Variants in RASAL2 observed in about 807,000 individuals in gnomAD.
RASAL2 encodes RAS protein activator like 2.
RASAL2 carries 58 observed loss-of-function variants against 128.9 expected under a neutral mutation model. That is an observed-to-expected ratio of 0.45 (90% CI 0.36 to 0.56). The LOEUF is 0.56. Ranked by LOEUF, RASAL2 falls within the 20% of genes least tolerant of loss-of-function variation. The pLI, the probability that RASAL2 is intolerant of heterozygous loss-of-function variation, is 0.00. For missense variants in RASAL2, 1,360 were observed against 1,601.6 expected (o/e 0.85, Z 2.57); for synonymous variants, 561 against 580.8 (o/e 0.97, Z 0.49).
chr1:178,139,920 T>C (rs1167092451), intron 1 of RASAL2, among the ~76,000 whole-genome samples: 2 of 152,170 alleles, frequency 1.3e-5, no homozygotes, highest in Non-Finnish European at 1.5e-5. Flanking sequence ...GTATTTACTT[T>C]GCTATACATA....
chr1:178,351,920 C>CAT (rs1216060774), intron 3 of RASAL2, among the ~76,000 whole-genome samples: 1 of 152,156 alleles, frequency 6.6e-6, no homozygotes, highest in Admixed American at 6.5e-5. Flanking sequence ...TTTACATAAA[C>CAT]ATACTCTTTG....
intron 1 of RASAL2, among the ~76,000 whole-genome samples, chr1:178,186,153 T>A (rs1260428773): frequency 6.6e-6 from 1 of 152,128 alleles, no homozygotes; most frequent in East Asian, 1.9e-4. Flanking sequence ...TTATCATATT[T>A]ATGGACAAAG....
intron 5 of RASAL2, among the ~76,000 whole-genome samples, chr1:178,430,852 C>T (rs1459538686): frequency 2.7e-5 from 4 of 149,468 alleles, no homozygotes; most frequent in Admixed American, 1.3e-4. Flanking sequence ...TGTGTTGATA[C>T]GAATCCTAAC....
intron 1 of RASAL2, among the ~76,000 whole-genome samples, chr1:178,234,664 T>TA (rs1664154399): frequency 6.6e-6 from 1 of 152,110 alleles, no homozygotes; most frequent in Non-Finnish European, 1.5e-5. Context: ...CTATGTTTTT[T>TA]AAAAAACCTT....
intron 1 of RASAL2, among the ~76,000 whole-genome samples, chr1:178,175,741 T>C (rs1181220762): frequency 1.3e-5 from 2 of 151,992 alleles, no homozygotes; most frequent in Non-Finnish European, 2.9e-5. Flanking sequence ...TATATCACTG[T>C]GAATGCCTTT....
At chr1:178,300,576 T>A (rs1271910570) in intron 3 of RASAL2, among the ~76,000 whole-genome samples, 1 of 152,236 alleles carries the variant, frequency 6.6e-6, no homozygotes, top group Admixed American at 6.5e-5. Context: ...TAATCTTGCA[T>A]GTCTCATAAA....
At position 178,439,333 on chromosome 1, in the gene RASAL2, G is replaced by A. The variant is rs1279490018; in HGVS notation, c.675-89G>A. 1.7e-5 allele frequency: 20 copies of A among 1,175,200 alleles called. 1 individual carries two copies. In the Admixed American group the frequency reaches 3.8e-4, roughly 22 times the overall value. The allele number at this position is 1,175,200 out of a possible 1,614,324, so 72.8% of individuals were successfully genotyped here. A position where few individuals can be genotyped will look rare whatever the true frequency, so the allele number is the denominator to read the frequency against. On this transcript the variant is annotated intron_variant, in intron 5 of 17. Transcript: ENST00000367649. ...CATTTATTTCTTCCCTTAGGCATTT[G>A]TACATTTATTGTTATCCTCCATTGC...
intron 5 of RASAL2, among the ~76,000 whole-genome samples, chr1:178,428,964 A>AT (rs1675707231): frequency 6.6e-6 from 1 of 152,118 alleles, no homozygotes; most frequent in South Asian, 2.1e-4. Context: ...GAGAAAGAGG[A>AT]TAACAAAGTC....
rs573966372 is a variant in RASAL2 at position 178,143,754 on chromosome 1, G to A, written c.202+49060G>A. ...ATTTTGCTTTATCTCTATTGTTTGG[G>A]TTTTTTTTTTTTTGACAAGTAGAAT... is the stretch of plus-strand genomic sequence containing the variant. On this transcript the variant is annotated intron_variant, in intron 1 of 17. Coordinates refer to ENST00000367649, the MANE Select transcript of RASAL2 (RefSeq NM_170692.4). Among the ~76,000 whole-genome samples the A allele has an allele frequency of 3.3e-4, 47 of 143,124 alleles. No homozygotes were observed. The East Asian group carries it at 9.2e-3, about 28-fold the overall frequency. 93.9% of individuals were successfully genotyped at this position (143,124 alleles called of 152,430 possible). A position where few individuals can be genotyped will look rare whatever the true frequency, so the allele number is the denominator to read the frequency against.
rs1035211378 is a variant in RASAL2 at position 178,418,699 on chromosome 1, A to G, written c.565-1812A>G. The stretch of plus-strand genomic sequence containing the variant: ...GCTTGGTAAAACACTGTGGCAGTCT[A>G]TACTGTTGTTCACCAAATATTTTCA... On this transcript the variant is annotated intron_variant, in intron 4 of 17. Transcript: ENST00000367649. Among the ~76,000 whole-genome samples, 8 of 152,318 alleles carry G rather than the reference A, an allele frequency of 5.3e-5. No individual in the cohort carries two copies. The South Asian group carries it at 1.7e-3, about 32-fold the overall frequency.
At position 178,473,113 on chromosome 1, in the gene RASAL2, A is replaced by G; in HGVS notation, c.3717A>G (p.Arg1239=). Residue 1239 remains arginine, a synonymous_variant, in exon 18 of 18, where the codon AGA becomes AGG. Coordinates refer to ENST00000367649, the MANE Select transcript of RASAL2 (RefSeq NM_170692.4). ...RIVSLDSANT[R]LMSALTQVKE... ...TGTCCCTGGATTCAGCCAACACCAG[A>G]CTGATGAGCGCGCTGACCCAAGTGA... 1 of 1,614,180 alleles carries G rather than the reference A, an allele frequency of 6.2e-7. No individual in the cohort carries two copies. Among genetic ancestry groups the G allele is most frequent in the Non-Finnish European group, 8.5e-7 (1 of 1,180,036 alleles).
At chr1:178,129,890 T>G (rs1007260878) in intron 1 of RASAL2, among the ~76,000 whole-genome samples, 3 of 152,196 alleles carry the variant, frequency 2.0e-5, no homozygotes, top group Non-Finnish European at 2.9e-5. Context: ...GTTTGATACA[T>G]GTATGCACGT....
At chr1:178,401,121 A>T (rs1399822357) in intron 4 of RASAL2, among the ~76,000 whole-genome samples, 1 of 152,234 alleles carries the variant, frequency 6.6e-6, no homozygotes, top group Non-Finnish European at 1.5e-5. Flanking sequence ...TCATAACTTC[A>T]GCACTGACCT....
At chr1:178,350,976 C>T (rs73035264) in intron 3 of RASAL2, among the ~76,000 whole-genome samples, 10,131 of 152,140 alleles carry the variant, frequency 0.067, 1,093 homozygotes, top group African/African-American at 0.23. Flanking sequence ...GGGGAAGTCT[C>T]AGAGAGCTTT....
At chr1:178,257,471 G>C (rs749703036) in intron 1 of RASAL2, among the ~76,000 whole-genome samples, 10 of 144,606 alleles carry the variant, frequency 6.9e-5, no homozygotes, top group Non-Finnish European at 4.5e-5. Context: ...ATAAAATCAA[G>C]TGTCTAATAA....
At chr1:178,237,560 G>A (rs1288563520) in intron 1 of RASAL2, among the ~76,000 whole-genome samples, 1 of 152,180 alleles carries the variant, frequency 6.6e-6, no homozygotes, top group East Asian at 1.9e-4. Flanking sequence ...TATAGACTTG[G>A]AGTTTACCAA....
intron 3 of RASAL2, among the ~76,000 whole-genome samples, chr1:178,330,873 C>T (rs565555709): frequency 6.6e-6 from 1 of 152,164 alleles, no homozygotes; most frequent in East Asian, 1.9e-4. Flanking sequence ...GCCTCTCCCC[C>T]GGAATACTGT....
In RASAL2 at chr1:178,477,122, C is replaced by CAA. The variant is rs1243209980; in HGVS notation, c.*3883_*3884insAA. 1 of 150,744 alleles carries CAA rather than the reference C, an allele frequency of 6.6e-6. No homozygotes were observed. Among genetic ancestry groups the CAA allele is most frequent in the Non-Finnish European group, 1.5e-5 (1 of 67,486 alleles). 9.3% of individuals were successfully genotyped at this position (150,744 alleles called of 1,614,324 possible). On this transcript the variant is annotated 3_prime_UTR_variant, in exon 18 of 18. Transcript: ENST00000367649. ...TAGCTTCACTGCATTTTCAGCTACA[C>CAA]CTTTGGAGGCCACCTTCTCCTATCA...
chr1:178,434,414 A>AC (rs1676123196), intron 5 of RASAL2, among the ~76,000 whole-genome samples: 1 of 152,154 alleles, frequency 6.6e-6, no homozygotes, highest in Admixed American at 6.6e-5. Flanking sequence ...CTATGCTGAT[A>AC]CATTTCTTTA....
Sources: gnomAD v4.1 joint callset for allele counts (sites outside exome capture counted in the v4.1 genomes callset) on GRCh38, gnomAD v4.1.1 for gene constraint, MANE v1.5 for transcripts, NCBI Gene and HGNC (gene_info 2026-07-23, HGNC 2026-07-21) for gene names.